Variants in TENM2 observed in about 807,000 individuals in gnomAD.
The protein encoded by TENM2 is teneurin transmembrane protein 2.
TENM2 carries 52 observed loss-of-function variants against 245.2 expected under a neutral mutation model. That is an observed-to-expected ratio of 0.21 (90% CI 0.17 to 0.27). The LOEUF (loss-of-function observed/expected upper bound fraction) is 0.27. Ranked by LOEUF, TENM2 falls within the 10% of genes least tolerant of loss-of-function variation. The pLI is 1.00. For synonymous variants in TENM2, 1,363 were observed against 1,438.9 expected, an observed-to-expected ratio of 0.95 and a Z score of 1.19; for missense variants, 3,046 against 3,666.8, an observed-to-expected ratio of 0.83 and a Z score of 4.37.
intron 7 of TENM2, chr5:168,088,232 A>G (rs1044505859): frequency 1.3e-5 from 2 of 152,196 alleles, no homozygotes; most frequent in Non-Finnish European, 2.9e-5. Context: ...CCTCGGCACC[A>G]AGGAAGTTAC....
chr5:168,077,601 C>T (rs1026906210), intron 7 of TENM2, among the ~76,000 whole-genome samples: 6 of 152,106 alleles, frequency 3.9e-5, no homozygotes, highest in African/African-American at 1.2e-4. Flanking sequence ...TGACAGGCCC[C>T]GGTATGTGAT....
intron 2 of TENM2, among the ~76,000 whole-genome samples, chr5:167,646,754 G>C (rs1397721131): frequency 2.6e-5 from 4 of 152,088 alleles, no homozygotes; most frequent in Admixed American, 2.0e-4. Context: ...AGTTTTAAAA[G>C]TCATAGACAT....
intron 1 of TENM2, among the ~76,000 whole-genome samples, chr5:167,355,146 G>A (rs1402403578): frequency 2.0e-5 from 3 of 152,180 alleles, no homozygotes; most frequent in Admixed American, 2.0e-4. Context: ...ACACCTTTCT[G>A]TCTATTTGTG....
chr5:167,245,866 T>C, the TENM2 span, among the ~76,000 whole-genome samples: 1 of 152,188 alleles, frequency 6.6e-6, no homozygotes, highest in Non-Finnish European at 1.5e-5. Context: ...CAGAGCCAGA[T>C]ACTGGAGATC....
At chr5:168,162,224 G>A (rs1757805520) in intron 12 of TENM2, among the ~76,000 whole-genome samples, 1 of 152,122 alleles carries the variant, frequency 6.6e-6, no homozygotes, top group African/African-American at 2.4e-5. Context: ...CTACAGAAGA[G>A]CACTTCTTAA....
the TENM2 span, among the ~76,000 whole-genome samples, chr5:167,263,051 G>A: frequency 9.2e-5 from 14 of 152,142 alleles, no homozygotes; most frequent in Admixed American, 6.5e-5. Flanking sequence ...TCTTTGCCCC[G>A]TCCCAGAGGT....
At chr5:167,458,107 T>C (rs1389750822) in intron 2 of TENM2, among the ~76,000 whole-genome samples, 9 of 152,170 alleles carry the variant, frequency 5.9e-5, no homozygotes, top group African/African-American at 2.2e-4. Flanking sequence ...ATTCCCAAAC[T>C]TTTAAATTAT....
intron 2 of TENM2, among the ~76,000 whole-genome samples, chr5:167,503,783 A>G (rs191916079): frequency 1.4e-3 from 214 of 152,272 alleles, no homozygotes; most frequent in Non-Finnish European, 2.3e-3. Flanking sequence ...AGTCCAAGCT[A>G]TTTGGAAGGC....
intron 9 of TENM2, among the ~76,000 whole-genome samples, chr5:168,109,706 C>A (rs1369722199): frequency 6.6e-6 from 1 of 152,200 alleles, no homozygotes; most frequent in Non-Finnish European, 1.5e-5. Context: ...CCAGATGACT[C>A]CCATGCACAT....
At chr5:167,144,523 C>G in the TENM2 span, among the ~76,000 whole-genome samples, 936 of 152,168 alleles carry the variant, frequency 6.2e-3, 12 homozygotes, top group African/African-American at 0.021. Flanking sequence ...GGTCTTTCCT[C>G]AATTCATTGT....
chr5:167,638,428 A>G (rs182193872), intron 2 of TENM2, among the ~76,000 whole-genome samples: 122 of 152,326 alleles, frequency 8.0e-4, no homozygotes, highest in African/African-American at 2.4e-3. Flanking sequence ...TAGCCCAAGC[A>G]CAGTATTAAT....
chr5:167,934,068 A>G (rs899961655), intron 3 of TENM2, among the ~76,000 whole-genome samples: 7 of 152,330 alleles, frequency 4.6e-5, no homozygotes, highest in African/African-American at 1.2e-4. Context: ...AGGAGGTGGT[A>G]CTTGATCTGG....
the TENM2 span, among the ~76,000 whole-genome samples, chr5:167,261,571 C>T: frequency 6.6e-6 from 1 of 152,048 alleles, no homozygotes; most frequent in South Asian, 2.1e-4. Context: ...TGAATTAAGG[C>T]AGGAAAGAGA....
the TENM2 span, among the ~76,000 whole-genome samples, chr5:167,241,814 T>C: frequency 3.9e-5 from 6 of 152,166 alleles, no homozygotes; most frequent in Non-Finnish European, 5.9e-5. Flanking sequence ...ACATGATATG[T>C]ACACAACTCT....
At chr5:167,606,559 G>A (rs572410254) in intron 2 of TENM2, among the ~76,000 whole-genome samples, 1 of 152,116 alleles carries the variant, frequency 6.6e-6, no homozygotes, top group Non-Finnish European at 1.5e-5. Flanking sequence ...GAGGGCTAGG[G>A]CTTCAACATA....
chr5:168,133,073 C>A (rs1327082647), intron 12 of TENM2, among the ~76,000 whole-genome samples: 2 of 152,180 alleles, frequency 1.3e-5, no homozygotes, highest in African/African-American at 2.4e-5. Context: ...GCCTTCCCGA[C>A]CTCAATTTCT....
At chr5:168,093,552 C>T in intron 8 of TENM2, among the ~76,000 whole-genome samples, 1 of 152,162 alleles carries the variant, frequency 6.6e-6, no homozygotes, top group South Asian at 2.1e-4. Flanking sequence ...AGACAGGTGC[C>T]TACCAGCGAT....
At chr5:168,166,533 A>G (rs11134489) in intron 13 of TENM2, among the ~76,000 whole-genome samples, 90,037 of 152,040 alleles carry the variant, frequency 0.59, 29,363 homozygotes, top group African/African-American at 0.89. Context: ...TTCAGCATGC[A>G]GCAAAACCAC....
chr5:167,408,102 T>C (rs1218866346), intron 2 of TENM2, among the ~76,000 whole-genome samples: 2 of 152,134 alleles, frequency 1.3e-5, no homozygotes, highest in South Asian at 2.1e-4. Context: ...GTGTGTTATA[T>C]TTGAATATAT....
Sources: gnomAD v4.1 joint callset for allele counts (sites outside exome capture counted in the v4.1 genomes callset) on GRCh38, gnomAD v4.1.1 for gene constraint, MANE v1.5 for transcripts, NCBI Gene and HGNC (gene_info 2026-07-23, HGNC 2026-07-21) for gene names.